SEC23IP: variants seen among roughly 807,000 people sequenced by gnomAD.
The protein encoded by SEC23IP is SEC23 interacting protein.
SEC23IP carries 70 observed loss-of-function variants against 113.4 expected under a neutral mutation model. The ratio of observed to expected loss-of-function variants is 0.62; its 90% CI spans 0.51 to 0.75. SEC23IP has a LOEUF of 0.75. Among genes scored for constraint, SEC23IP ranks in the 30% least tolerant of loss-of-function variants. SEC23IP has a pLI of 0.00. For synonymous variants in SEC23IP, 398 were observed against 421.0 expected (o/e 0.95, Z 0.67); for missense variants, 1,160 against 1,204.9 (o/e 0.96, Z 0.55).
At chr10:119,922,560 T>C (rs1406850340) in intron 12 of SEC23IP, among the ~76,000 whole-genome samples, 1 of 152,072 alleles carries the variant, frequency 6.6e-6, no homozygotes, top group Non-Finnish European at 1.5e-5. Flanking sequence ...ACAGATGAAG[T>C]TGGAAAGGCG....
chr10:119,924,734 A>T (rs1013391551), intron 12 of SEC23IP, among the ~76,000 whole-genome samples: 1 of 151,702 alleles, frequency 6.6e-6, no homozygotes, highest in African/African-American at 2.4e-5. Flanking sequence ...TTTTATATAG[A>T]TGCCCCAAAA....
At position 119,914,748 on chromosome 10, in the gene SEC23IP, A is replaced by G; in HGVS notation, c.1331A>G (p.Asp444Gly). Residue 444 changes from aspartate to glycine, a missense_variant, in exon 7 of 19, where the codon GAC (aspartate) becomes GGC (glycine). Coordinates refer to ENST00000369075, the MANE Select transcript of SEC23IP (RefSeq NM_007190.4). The part of the protein sequence containing the change: ...EIPDGEMPQV[D>G]HLVFVVHGIG... ...TTGATAGGGGAGATGCCTCAAGTTGACCATTTGGTGTTTGTGGTGCATGGC... is the reference window on the plus strand; with the variant it reads ...TTGATAGGGGAGATGCCTCAAGTTGGCCATTTGGTGTTTGTGGTGCATGGC... The G allele has an allele frequency of 6.2e-7, 1 of 1,614,104 alleles. No individual in the cohort carries two copies. The highest frequency in any genetic ancestry group is 8.5e-7 in the Non-Finnish European group (1 of 1,179,982).
chr10:119,931,788 G>GT (rs1388297121), intron 15 of SEC23IP, among the ~76,000 whole-genome samples: 1 of 151,968 alleles, frequency 6.6e-6, no homozygotes. Context: ...TCCTGACCTC[G>GT]TGATCCACCC....
chr10:119,912,044 G>C lies in SEC23IP; in HGVS notation c.1192G>C (p.Val398Leu). ...GTCATAATTCTGTTGCATCTTGAAG[G>C]TTATTGTTCAGTTCCAGCCCTCCTC... ...GETIVMHNPK[V>L]IVQFQPSSVP... Residue 398 changes from valine to leucine, a missense_variant and splice_region_variant, in exon 6 of 19, where the codon GTT (valine) becomes CTT (leucine). Val to Leu is a conservative substitution (Grantham distance 32, BLOSUM62 1). Transcript: ENST00000369075. 6.2e-7 allele frequency: 1 copy of C among 1,613,810 alleles called. No individual in the cohort carries two copies. The highest frequency in any genetic ancestry group is 8.5e-7 in the Non-Finnish European group (1 of 1,179,884).
intron 13 of SEC23IP, among the ~76,000 whole-genome samples, chr10:119,927,422 A>G (rs750979085): frequency 3.3e-5 from 5 of 152,146 alleles, no homozygotes; most frequent in Non-Finnish European, 7.4e-5. Context: ...TCTCTCTGAA[A>G]CTTGGAGGGG....
chr10:119,904,103 C>T lies in SEC23IP; in HGVS notation c.927C>T (p.Ser309=), dbSNP rs766134801. The change falls in exon 4 of 19, where the codon AGC becomes AGT. Residue 309 remains serine (S), a synonymous_variant. Coordinates refer to ENST00000369075, the MANE Select transcript of SEC23IP (RefSeq NM_007190.4). ...IYNSVQPDPE[S]VVLGTDGGRY... ...CTCTAGTTCAGCCAGATCCGGAGAG[C>T]GTGGTTCTTGGCACGGATGGAGGGC... 2.4e-5 allele frequency: 39 copies of T among 1,614,012 alleles called. No homozygotes were observed. Among genetic ancestry groups the T allele is most frequent in the South Asian group, 1.9e-4 (17 of 91,088 alleles).
rs775841698 is a variant in SEC23IP, at chr10:119,926,231, A to T, written c.2313+4A>T. On this transcript the variant is annotated splice_donor_region_variant and intron_variant, in intron 13 of 18. Transcript: ENST00000369075. ...TTTTGAAGTTGGCGCCGGACAGGTGAGTTTACATATTGACTGGGGCTACAT... is the reference window on the plus strand; with the variant it reads ...TTTTGAAGTTGGCGCCGGACAGGTGTGTTTACATATTGACTGGGGCTACAT... 6.2e-7 allele frequency: 1 copy of T among 1,613,516 alleles called. No homozygotes were observed.
rs577619258 is a variant in SEC23IP at position 119,910,757 on chromosome 10, G to A, written c.1192-1287G>A. 3.9e-4 allele frequency among the ~76,000 whole-genome samples: 60 copies of A among 151,986 alleles called. 1 individual carries two copies. In the South Asian group the frequency reaches 0.011, roughly 29 times the overall value. On this transcript the variant is annotated intron_variant, in intron 5 of 18. Transcript: ENST00000369075. Reference sequence around the variant, plus strand: ...GTAGTGCAGTGGCCAATCACAACTCGCTGCATCCTCGAACTCTGGGCTCAA... The same window carrying A: ...GTAGTGCAGTGGCCAATCACAACTCACTGCATCCTCGAACTCTGGGCTCAA...
chr10:119,919,353 G>A (rs916827466), intron 10 of SEC23IP, 91 bp from the exon 11 acceptor site: 8 of 1,223,412 alleles, frequency 6.5e-6, no homozygotes, highest in Non-Finnish European at 9.1e-6. Context: ...TCTGTGTAAA[G>A]CAAAATTGTT....
At position 119,920,915 on chromosome 10, in the gene SEC23IP, G is replaced by A; in HGVS notation, c.2052G>A (p.Lys684=). The A allele has an allele frequency of 6.2e-7, 1 of 1,613,406 alleles. No homozygotes were observed. Among genetic ancestry groups the A allele is most frequent in the Non-Finnish European group, 8.5e-7 (1 of 1,179,458 alleles). The part of the protein sequence containing the change: ...SLLMCTVDDL[K]EMGIPLGPRK... ...TTATGTGTACAGTTGATGACCTGAAGGAAATGGGGATACCCCTTGGACCCA... is the reference window on the plus strand; with the variant it reads ...TTATGTGTACAGTTGATGACCTGAAAGAAATGGGGATACCCCTTGGACCCA... The change falls in exon 12 of 19, where the codon AAG becomes AAA. Residue 684 remains lysine (K), a synonymous_variant. Transcript: ENST00000369075.
At chr10:119,930,087 A>G (rs764125025) in intron 14 of SEC23IP, among the ~76,000 whole-genome samples, 1 of 152,268 alleles carries the variant, frequency 6.6e-6, no homozygotes, top group Non-Finnish European at 1.5e-5. Flanking sequence ...ATAGTCTGAC[A>G]CTTTCCAATA....
chr10:119,933,796 A>G lies in SEC23IP; in HGVS notation c.*20+9A>G. The G allele has an allele frequency of 8.1e-7, 1 of 1,229,234 alleles. No homozygotes were observed. The allele number at this position is 1,229,234 out of a possible 1,614,324, so 76.1% of individuals were successfully genotyped here. A position where few individuals can be genotyped will look rare whatever the true frequency, so the allele number is the denominator to read the frequency against. On this transcript the variant is annotated intron_variant, in intron 18 of 18. Transcript: ENST00000369075. ...AACTTCAGTTTTACTGTGTGAGTTT[A>G]TCCTTATTGAATGTATAAATTCTGA...
chr10:119,912,779 T>G lies in SEC23IP; in HGVS notation c.1312+615T>G, dbSNP rs184109663. 1.2e-4 allele frequency among the ~76,000 whole-genome samples: 19 copies of G among 152,136 alleles called. No homozygotes were observed. In the East Asian group the frequency reaches 3.5e-3, roughly 28 times the overall value. On this transcript the variant is annotated intron_variant, in intron 6 of 18. Transcript: ENST00000369075. ...CCTCAGCCTCCCGAGTAGCTGGGAT[T>G]ACAGGCGTGCACCACCACGCCCGGC...
chr10:119,906,943 A>G (rs990892994), intron 4 of SEC23IP, among the ~76,000 whole-genome samples: 2 of 151,962 alleles, frequency 1.3e-5, no homozygotes, highest in African/African-American at 4.8e-5. Context: ...CCTTGCTTTT[A>G]GAAATTATGA....
At chr10:119,939,046 A>G (rs567459330) in intron 18 of SEC23IP, among the ~76,000 whole-genome samples, 2 of 152,246 alleles carry the variant, frequency 1.3e-5, no homozygotes, top group African/African-American at 4.8e-5. Flanking sequence ...GTGGTGGCTT[A>G]CACCTGTAAT....
intron 12 of SEC23IP, among the ~76,000 whole-genome samples, chr10:119,921,384 C>T (rs1048738469): frequency 3.9e-5 from 6 of 152,204 alleles, no homozygotes; most frequent in African/African-American, 1.4e-4. Context: ...GTGTTTCCCA[C>T]TGCTGGTCTC....
intron 13 of SEC23IP, among the ~76,000 whole-genome samples, chr10:119,929,274 C>T (rs1441198148): frequency 6.6e-6 from 1 of 152,048 alleles, no homozygotes; most frequent in Non-Finnish European, 1.5e-5. Context: ...TGCTCAGTCA[C>T]CCAGGCTGGA....
chr10:119,908,043 T>A (rs186518080), intron 4 of SEC23IP, among the ~76,000 whole-genome samples: 19 of 152,276 alleles, frequency 1.2e-4, no homozygotes, highest in Admixed American at 1.2e-3. Context: ...AGATTTAAAG[T>A]ATAAGGGAGG....
chr10:119,936,434 T>C (rs1255103263), intron 18 of SEC23IP, among the ~76,000 whole-genome samples: 1 of 151,078 alleles, frequency 6.6e-6, no homozygotes, highest in Non-Finnish European at 1.5e-5. Flanking sequence ...TCTCACCTAC[T>C]TGGGAGGCCG....
Sources: gnomAD v4.1 joint callset for allele counts (sites outside exome capture counted in the v4.1 genomes callset) on GRCh38, gnomAD v4.1.1 for gene constraint, MANE v1.5 for transcripts, NCBI Gene and HGNC (gene_info 2026-07-23, HGNC 2026-07-21) for gene names.